The following SLC49A4 variants were observed in gnomAD, a reference collection of about 807,000 sequenced individuals.
The protein encoded by SLC49A4 is disrupted in renal cancer protein 2.
A neutral mutation model predicts 50.6 loss-of-function variants in SLC49A4; 36 were observed. That is an observed-to-expected ratio of 0.71 (90% CI 0.55 to 0.94). SLC49A4 has a LOEUF of 0.94. SLC49A4 is among the 40% of genes least tolerant of loss of function. The pLI is 0.00. For missense variants in SLC49A4, 503 were observed against 605.7 expected, an observed-to-expected ratio of 0.83 and a Z score of 1.78; for synonymous variants, 248 against 241.2, an observed-to-expected ratio of 1.03 and a Z score of -0.26.
rs1937319473 is a variant in SLC49A4 at position 122,880,220 on chromosome 3, A to G, written c.*842A>G. The stretch of plus-strand genomic sequence containing the variant: ...GCCTGTATATGGTGGCATGAGATGT[A>G]ATGTCCAGAGCCAACAATTATTTAC... On this transcript the variant is annotated 3_prime_UTR_variant, in exon 9 of 9. Coordinates refer to ENST00000261038, the MANE Select transcript of SLC49A4 (RefSeq NM_032839.3). 6.6e-6 allele frequency: 1 copy of G among 152,234 alleles called. No individual in the cohort carries two copies. Among genetic ancestry groups the G allele is most frequent in the Non-Finnish European group, 1.5e-5 (1 of 68,040 alleles). 9.4% of individuals were successfully genotyped at this position (152,234 alleles called of 1,614,324 possible).
At chr3:122,813,557 A>T (rs1936328026) in intron 2 of SLC49A4, among the ~76,000 whole-genome samples, 1 of 152,198 alleles carries the variant, frequency 6.6e-6, no homozygotes, top group Non-Finnish European at 1.5e-5. Flanking sequence ...TCATGAATGG[A>T]TAGAATTTTC....
intron 2 of SLC49A4, among the ~76,000 whole-genome samples, chr3:122,817,509 T>G (rs1304701634): frequency 6.6e-6 from 1 of 152,180 alleles, no homozygotes; most frequent in Non-Finnish European, 1.5e-5. Context: ...ATAGCAGGAC[T>G]AGGAAACTAG....
Position 122,833,443 on chromosome 3 carries a change from T to G in SLC49A4, c.830T>G (p.Leu277Ter), listed in dbSNP as rs1483570255. Residue 277 changes from leucine to a stop codon, truncating the protein, a stop_gained, in exon 4 of 9, where the codon TTA (leucine) becomes TGA (stop). Transcript: ENST00000261038. LOFTEE classifies it high-confidence loss of function. The stretch of plus-strand genomic sequence containing the variant: ...TATCGGAGAAGCGTTTGTAGATTAT[T>G]AAGGTAAATATACTGAGAGTCACTG... ...LSYRRSVCRL[L>*]SNFRFLMIAL... 1 of 1,613,190 alleles carries G rather than the reference T, an allele frequency of 6.2e-7. No individual in the cohort carries two copies.
intron 4 of SLC49A4, among the ~76,000 whole-genome samples, chr3:122,842,257 C>T (rs1408988844): frequency 1.3e-5 from 2 of 151,926 alleles, no homozygotes; most frequent in African/African-American, 2.4e-5. Context: ...GAGGCCGAGG[C>T]GGGCGGATCA....
chr3:122,851,161 A>G (rs777548034), intron 5 of SLC49A4, among the ~76,000 whole-genome samples: 1 of 152,194 alleles, frequency 6.6e-6, no homozygotes, highest in Admixed American at 6.5e-5. Context: ...TGCACAAGAC[A>G]TTATTGTTTA....
chr3:122,858,569 T>C (rs144318265), intron 6 of SLC49A4, among the ~76,000 whole-genome samples: 1,832 of 152,284 alleles, frequency 0.012, 39 homozygotes, highest in African/African-American at 0.04. Context: ...TCAGCTCTCA[T>C]AGGAAGTCAT....
chr3:122,799,276 A>T (rs1308041592), intron 1 of SLC49A4, among the ~76,000 whole-genome samples: 1 of 152,230 alleles, frequency 6.6e-6, no homozygotes, highest in Non-Finnish European at 1.5e-5. Flanking sequence ...AGGGAATGTG[A>T]TAGAGTGGTA....
intron 1 of SLC49A4, among the ~76,000 whole-genome samples, chr3:122,796,330 G>A (rs1019418312): frequency 9.2e-5 from 14 of 152,204 alleles, no homozygotes; most frequent in African/African-American, 3.1e-4. Flanking sequence ...AATAATGCCT[G>A]GGAGCTACTT....
intron 5 of SLC49A4, 42 bp from the exon 6 acceptor site, chr3:122,856,265 A>G: frequency 6.3e-7 from 1 of 1,597,616 alleles, no homozygotes. Flanking sequence ...ATATTGCAGT[A>G]TGATTGTCTT....
chr3:122,833,428 G>T lies in SLC49A4; in HGVS notation c.815G>T (p.Ser272Ile). The change falls in exon 4 of 9, where the codon AGC becomes ATC. Residue 272 changes from serine to isoleucine, a missense_variant. By Grantham distance (142) the Ser-to-Ile change is moderately radical. Coordinates refer to ENST00000261038, the MANE Select transcript of SLC49A4 (RefSeq NM_032839.3). Reference sequence around the variant, plus strand: ...AGCCAGCGGCTGAGTTATCGGAGAAGCGTTTGTAGATTATTAAGGTAAATA... The same window carrying T: ...AGCCAGCGGCTGAGTTATCGGAGAATCGTTTGTAGATTATTAAGGTAAATA... ...AASQRLSYRRSVCRLLSNFRF... is the reference protein window; with the variant it reads ...AASQRLSYRRIVCRLLSNFRF... 6.2e-7 allele frequency: 1 copy of T among 1,613,432 alleles called. No individual in the cohort carries two copies. Among genetic ancestry groups the T allele is most frequent in the Non-Finnish European group, 8.5e-7 (1 of 1,179,596 alleles).
intron 6 of SLC49A4, 150 bp downstream of exon 6, chr3:122,856,524 T>A: frequency 2.8e-6 from 2 of 726,530 alleles, no homozygotes; most frequent in Non-Finnish European, 4.7e-6. Flanking sequence ...ACAAGAAAAT[T>A]CATATGCGTT....
chr3:122,828,889 T>A (rs992779772), intron 3 of SLC49A4, among the ~76,000 whole-genome samples: 1 of 152,206 alleles, frequency 6.6e-6, no homozygotes, highest in African/African-American at 2.4e-5. Flanking sequence ...ATTTTTTACA[T>A]GATGTTAAGC....
chr3:122,867,628 ATC>A (rs1937136280), intron 7 of SLC49A4, among the ~76,000 whole-genome samples: 1 of 152,252 alleles, frequency 6.6e-6, no homozygotes, highest in African/African-American at 2.4e-5. Flanking sequence ...TCTTATTCTT[ATC>A]TGTGATTTGT....
Position 122,795,098 on chromosome 3 carries a change from C to T in SLC49A4, c.-95C>T. On this transcript the variant is annotated 5_prime_UTR_variant, in exon 1 of 9. Coordinates refer to ENST00000261038, the MANE Select transcript of SLC49A4 (RefSeq NM_032839.3). ...CGGAGGCCGAGGGCGACCACAGCAG[C>T]CTCCGCCTCCTGCTGCTCAGGACTA... is the stretch of plus-strand genomic sequence containing the variant. The T allele has an allele frequency of 1.6e-6, 2 of 1,217,152 alleles. No individual in the cohort carries two copies. Among genetic ancestry groups the T allele is most frequent in the Admixed American group, 4.3e-5 (1 of 23,346 alleles). The allele number at this position is 1,217,152 out of a possible 1,614,324, so 75.4% of individuals were successfully genotyped here.
Position 122,795,329 on chromosome 3 carries a change from G to T in SLC49A4, c.137G>T (p.Arg46Leu). The T allele has an allele frequency of 6.6e-7, 1 of 1,520,054 alleles. No individual in the cohort carries two copies. The highest frequency in any genetic ancestry group is 8.7e-7 in the Non-Finnish European group (1 of 1,145,680). 94.2% of individuals were successfully genotyped at this position (1,520,054 alleles called of 1,614,324 possible). ...ALPAAVPGPGRVYGRRWLVLL... is the reference protein window; with the variant it reads ...ALPAAVPGPGLVYGRRWLVLL... Reference sequence around the variant, plus strand: ...CCCGCGGCGGTCCCGGGTCCCGGGCGGGTATACGGGCGCCGCTGGCTGGTG... The same window carrying T: ...CCCGCGGCGGTCCCGGGTCCCGGGCTGGTATACGGGCGCCGCTGGCTGGTG... The change falls in exon 1 of 9, where the codon CGG becomes CTG. Residue 46 changes from arginine (R) to leucine (L), a missense_variant. By Grantham distance (102) the Arg-to-Leu change is moderately radical (BLOSUM62 -2). Coordinates refer to ENST00000261038, the MANE Select transcript of SLC49A4 (RefSeq NM_032839.3).
chr3:122,860,106 CTA>C lies in SLC49A4; in HGVS notation c.1043_1044del (p.Leu348HisfsTer47). 1 of 1,612,166 alleles carries C rather than the reference CTA, an allele frequency of 6.2e-7. No individual in the cohort carries two copies. The highest frequency in any genetic ancestry group is 8.5e-7 in the Non-Finnish European group (1 of 1,179,146). On this transcript the variant is annotated frameshift_variant, in exon 7 of 9. Transcript: ENST00000261038. LOFTEE classifies it high-confidence loss of function. ...FADFIRGMLK[L>X]ILLLLFSGAT... ...AGATTTTATCAGGGGTATGCTGAAA[CTA>C]ATTCTTCTCCTCCTGTTTTCGGGAG...
At chr3:122,850,950 C>A (rs1335282225) in intron 5 of SLC49A4, among the ~76,000 whole-genome samples, 1 of 152,006 alleles carries the variant, frequency 6.6e-6, no homozygotes, top group African/African-American at 2.4e-5. Context: ...TTTTTTATTA[C>A]TTTAATTTCC....
At chr3:122,805,786 G>T (rs1262357337) in intron 1 of SLC49A4, among the ~76,000 whole-genome samples, 3 of 152,142 alleles carry the variant, frequency 2.0e-5, no homozygotes, top group Non-Finnish European at 4.4e-5. Context: ...TGATTATCTT[G>T]TTTTTGTATT....
At chr3:122,869,569 G>A (rs1212080173) in intron 7 of SLC49A4, among the ~76,000 whole-genome samples, 2 of 151,954 alleles carry the variant, frequency 1.3e-5, no homozygotes, top group African/African-American at 4.8e-5. Flanking sequence ...ATAGCAGTAG[G>A]ATAAATTCCT....
Sources: gnomAD v4.1 joint callset for allele counts (sites outside exome capture counted in the v4.1 genomes callset) on GRCh38, gnomAD v4.1.1 for gene constraint, MANE v1.5 for transcripts, NCBI Gene and HGNC (gene_info 2026-07-23, HGNC 2026-07-21) for gene names.